Variants in NUP210 observed in about 807,000 individuals in gnomAD.
NUP210 encodes the protein nucleoporin 210.
In NUP210, 151 loss-of-function variants were observed where a neutral mutation model predicts 196.0. The ratio of observed to expected loss-of-function variants is 0.77; its 90% CI spans 0.67 to 0.88. NUP210 has a LOEUF of 0.88. Among genes scored for constraint, NUP210 ranks in the 40% least tolerant of loss-of-function variants. NUP210 has a pLI of 0.00. For synonymous variants in NUP210, 1,070 were observed against 1,052.7 expected (o/e 1.02, Z -0.32); for missense variants, 2,314 against 2,493.7 (o/e 0.93, Z 1.53).
chr3:13,417,822 T>C (rs58536738), intron 1 of NUP210, among the ~76,000 whole-genome samples: 14,443 of 152,198 alleles, frequency 0.095, 884 homozygotes, highest in African/African-American at 0.16. Flanking sequence ...CTCTGATGCA[T>C]CAGAGATTAA....
intron 13 of NUP210, among the ~76,000 whole-genome samples, chr3:13,370,587 C>A (rs1008273727): frequency 1.3e-5 from 2 of 152,172 alleles, no homozygotes; most frequent in African/African-American, 4.8e-5. Flanking sequence ...GGGAGTGGTT[C>A]GTGTCCTGCT....
chr3:13,372,828 C>T (rs759365079), intron 12 of NUP210, among the ~76,000 whole-genome samples: 20 of 152,152 alleles, frequency 1.3e-4, no homozygotes, highest in African/African-American at 4.1e-4. Context: ...CTACCCAGAA[C>T]GCACGCTGCC....
chr3:13,335,333 A>C, intron 28 of NUP210, 121 bp downstream of exon 28: 1 of 1,183,770 alleles, frequency 8.4e-7, no homozygotes, highest in South Asian at 1.4e-5. Context: ...TGTCATCCCC[A>C]CGGACTGAGA....
At chr3:13,353,736 G>A (rs1297750595) in intron 17 of NUP210, 76 bp from the exon 18 acceptor site, 1 of 1,380,212 alleles carries the variant, frequency 7.2e-7, no homozygotes, top group South Asian at 1.2e-5. Context: ...CCCTCCTTCT[G>A]ATTTGCAGTT....
At position 13,354,084 on chromosome 3, in the gene NUP210, G is replaced by A. The variant is rs763116435; in HGVS notation, c.2352C>T (p.Asn784=). 2 of 1,597,414 alleles carry A rather than the reference G, an allele frequency of 1.3e-6. No individual in the cohort carries two copies. The highest frequency in any genetic ancestry group is 2.3e-5 in the South Asian group (2 of 88,560). ...KQVVPVSSHR[N]PRLDLAAYDQ... Reference sequence around the variant, plus strand: ...CGTAAGCAGCCAGGTCCAGCCGGGGGTTGCGGTGGCTGGACACTGGGACCT... The same window carrying A: ...CGTAAGCAGCCAGGTCCAGCCGGGGATTGCGGTGGCTGGACACTGGGACCT... Residue 784 remains asparagine, a synonymous_variant, in exon 17 of 40, where the codon AAC becomes AAT. Coordinates refer to ENST00000254508, the MANE Select transcript of NUP210 (RefSeq NM_024923.4).
chr3:13,322,259 G>C lies in NUP210; in HGVS notation c.4849C>G (p.Pro1617Ala), dbSNP rs745963035. ...TGAGATGGGAAATCAAAGACGGCCG[G>C]CTTGAACTGGGACTGGCAGCTGATG... ...TLISCQSQFKPAVFDFPSQDV... is the reference protein window; with the variant it reads ...TLISCQSQFKAAVFDFPSQDV... Residue 1617 changes from proline (P) to alanine (A), a missense_variant, in exon 35 of 40, where the codon CCG becomes GCG. Physicochemically the swap from Pro to Ala is conservative, Grantham distance 27 (BLOSUM62 -1). Coordinates refer to ENST00000254508, the MANE Select transcript of NUP210 (RefSeq NM_024923.4). The C allele has an allele frequency of 3.1e-6, 5 of 1,614,236 alleles. No individual in the cohort carries two copies. The highest frequency in any genetic ancestry group is 1.6e-4 in the Middle Eastern group (1 of 6,062).
chr3:13,335,883 G>A (rs1697197399), intron 27 of NUP210, among the ~76,000 whole-genome samples: 1 of 152,248 alleles, frequency 6.6e-6, no homozygotes. Context: ...GCCCACCCAC[G>A]TAAGCCAGGG....
intron 2 of NUP210, among the ~76,000 whole-genome samples, 155 bp from the exon 3 acceptor site, chr3:13,397,643 C>A (rs1178234459): frequency 1.3e-5 from 2 of 152,210 alleles, no homozygotes; most frequent in Non-Finnish European, 2.9e-5. Flanking sequence ...GCCCCACTGA[C>A]AGTTAACAGG....
In NUP210 at chr3:13,317,559, T is replaced by C. The variant is rs766202745; in HGVS notation, c.*122A>G. The C allele has an allele frequency of 9.8e-5, 72 of 733,124 alleles. No homozygotes were observed. The highest frequency in any genetic ancestry group is 1.7e-4 in the Non-Finnish European group (70 of 419,548). 45.4% of individuals were successfully genotyped at this position (733,124 alleles called of 1,614,324 possible). A position where few individuals can be genotyped will look rare whatever the true frequency, so the allele number is the denominator to read the frequency against. Reference sequence around the variant, plus strand: ...CTGTGTGAAGAGACGGCAGTGAAGCTGGCCTGGGGCCGGGGCACTCATCTG... The same window carrying C: ...CTGTGTGAAGAGACGGCAGTGAAGCCGGCCTGGGGCCGGGGCACTCATCTG... On this transcript the variant is annotated 3_prime_UTR_variant, in exon 40 of 40. Transcript: ENST00000254508.
intron 18 of NUP210, 40 bp downstream of exon 18, chr3:13,353,514 G>A (rs765984617): frequency 7.2e-6 from 11 of 1,522,228 alleles, no homozygotes; most frequent in South Asian, 2.2e-5. Context: ...GGCTTGCCCC[G>A]CTACCCATAG....
intron 14 of NUP210, 64 bp downstream of exon 14, chr3:13,365,882 T>C (rs1559330439): frequency 9.6e-6 from 15 of 1,561,734 alleles, no homozygotes; most frequent in Non-Finnish European, 1.3e-5. Context: ...TCAGAGCAAA[T>C]GGGTAATTTG....
At position 13,322,257 on chromosome 3, in the gene NUP210, C is replaced by A; in HGVS notation, c.4851G>T (p.Pro1617=). The A allele has an allele frequency of 6.2e-7, 1 of 1,614,216 alleles. No individual in the cohort carries two copies. The highest frequency in any genetic ancestry group is 8.5e-7 in the Non-Finnish European group (1 of 1,180,040). Residue 1617 remains proline, a synonymous_variant, in exon 35 of 40, where the codon CCG becomes CCT. Coordinates refer to ENST00000254508, the MANE Select transcript of NUP210 (RefSeq NM_024923.4). ...CTTGAGATGGGAAATCAAAGACGGC[C>A]GGCTTGAACTGGGACTGGCAGCTGA... ...TLISCQSQFK[P]AVFDFPSQDV...
chr3:13,418,001 A>G (rs1484113523), intron 1 of NUP210, among the ~76,000 whole-genome samples: 1 of 152,254 alleles, frequency 6.6e-6, no homozygotes, highest in Non-Finnish European at 1.5e-5. Flanking sequence ...ATATATCCAA[A>G]GGGATTCACT....
At chr3:13,403,823 A>AAGGGG (rs1699918520) in intron 1 of NUP210, among the ~76,000 whole-genome samples, 1 of 151,946 alleles carries the variant, frequency 6.6e-6, no homozygotes, top group Non-Finnish European at 1.5e-5. Flanking sequence ...GGTGGCTCCC[A>AAGGGG]CCCTTCAGGC....
intron 1 of NUP210, among the ~76,000 whole-genome samples, chr3:13,410,629 A>C (rs531547290): frequency 2.0e-5 from 3 of 151,114 alleles, no homozygotes; most frequent in East Asian, 2.0e-4. Flanking sequence ...AAAAAAAAAA[A>C]CAAAAAGGCC....
chr3:13,413,839 T>C (rs1373687674), intron 1 of NUP210, among the ~76,000 whole-genome samples: 1 of 152,070 alleles, frequency 6.6e-6, no homozygotes, highest in African/African-American at 2.4e-5. Flanking sequence ...GTTAAGGAGG[T>C]CGATTATATG....
intron 1 of NUP210, among the ~76,000 whole-genome samples, chr3:13,401,251 C>T (rs1392671613): frequency 4.2e-5 from 2 of 47,892 alleles, no homozygotes; most frequent in Admixed American, 1.7e-4. Context: ...CAGAGTGAGA[C>T]TCTGGCTCAA....
chr3:13,408,787 CAA>C (rs57395477), intron 1 of NUP210, among the ~76,000 whole-genome samples: 33 of 76,974 alleles, frequency 4.3e-4, no homozygotes, highest in Admixed American at 1.3e-3. Context: ...GACTCTGTCT[CAA>C]AAAAAAAAAA....
intron 2 of NUP210, among the ~76,000 whole-genome samples, chr3:13,399,390 A>G (rs148856097): frequency 6.6e-6 from 1 of 152,344 alleles, no homozygotes; most frequent in African/African-American, 2.4e-5. Flanking sequence ...CTAATATAAT[A>G]AATTAGATAT....
Sources: allele counts gnomAD v4.1 joint callset (sites outside exome capture counted in the v4.1 genomes callset), GRCh38; gene constraint gnomAD v4.1.1; transcripts MANE v1.5; gene names NCBI Gene and HGNC (gene_info 2026-07-23, HGNC 2026-07-21).